C2: variants seen among roughly 807,000 people sequenced by gnomAD.
C2 encodes C3/C5 convertase.
C2 carries 64 observed loss-of-function variants against 85.2 expected under a neutral mutation model. That is an observed-to-expected ratio of 0.75 (90% CI 0.61 to 0.92). C2 has a LOEUF of 0.92. Among genes scored for constraint, C2 ranks in the 40% least tolerant of loss-of-function variants. C2 has a pLI of 0.00. For synonymous variants in C2, 311 were observed against 370.8 expected (o/e 0.84, Z 1.85); for missense variants, 820 against 971.6 (o/e 0.84, Z 2.07).
upstream of C2, chr6:31,897,941 A>G: frequency 9.5e-7 from 1 of 1,048,200 alleles, no homozygotes; most frequent in Non-Finnish European, 1.1e-6. Context: ...ATCTGGTTTT[A>G]GGTAACAAGC....
In C2 at chr6:31,935,789, T is replaced by A; in HGVS notation, c.850-134T>A. On this transcript the variant is annotated intron_variant, in intron 6 of 17. Transcript: ENST00000299367. The surrounding 1 kb of genome is among the most constrained non-coding windows in gnomAD (Gnocchi z 4.3). ...CTTCTTCCTAACAGCCATTTCCTAG[T>A]GTCTCCCCTGGTCCTTGCCTCTGTC... The A allele has an allele frequency of 1.0e-6, 1 of 965,768 alleles. No individual in the cohort carries two copies. The highest frequency in any genetic ancestry group is 1.3e-5 in the South Asian group (1 of 76,168). The allele number at this position is 965,768 out of a possible 1,614,324, so 59.8% of individuals were successfully genotyped here. A position where few individuals can be genotyped will look rare whatever the true frequency, so the allele number is the denominator to read the frequency against.
At chr6:31,925,831 C>G (rs1404024284), upstream of C2, among the ~76,000 whole-genome samples, 2 of 152,070 alleles carry the variant, frequency 1.3e-5, no homozygotes. Flanking sequence ...TTAAATACCC[C>G]CCACCTTTAC....
chr6:31,901,407 G>A, intron 1 of C2: 3 of 1,293,172 alleles, frequency 2.3e-6, no homozygotes, highest in Non-Finnish European at 3.1e-6. Flanking sequence ...CCCCATTCTT[G>A]CCCAGCCCCC....
rs930463518 is a variant in C2 at position 31,943,837 on chromosome 6, C to T, written c.1733+28C>T. ...GCCTGGAGTCTGGGATGGGAGGGTG[C>T]CCTGCAGGGAAGAGTGCTCTGGAGA... On this transcript the variant is annotated intron_variant, in intron 13 of 17. Coordinates refer to ENST00000299367, the MANE Select transcript of C2 (RefSeq NM_000063.6). The surrounding 1 kb of genome is among the most constrained non-coding windows in gnomAD (Gnocchi z 6.4). 2.5e-6 allele frequency: 4 copies of T among 1,612,256 alleles called. No individual in the cohort carries two copies. The highest frequency in any genetic ancestry group is 2.7e-5 in the African/African-American group (2 of 74,886).
At chr6:31,932,808 C>T (rs573112821) in intron 3 of C2, among the ~76,000 whole-genome samples, 1 of 152,374 alleles carries the variant, frequency 6.6e-6, no homozygotes, top group African/African-American at 2.4e-5. Context: ...CACGCCACTG[C>T]ACTCCAGCCT....
upstream of C2, chr6:31,900,602 A>G: frequency 6.2e-7 from 1 of 1,612,596 alleles, no homozygotes; most frequent in South Asian, 1.1e-5. This position sits in a 1 kb window ranked among gnomAD's most constrained non-coding sequence, Gnocchi z 9.7. Context: ...GGAGCCTCCA[A>G]TGCCCAGACC....
At chr6:31,914,586 G>A (rs1437478992) in intron 1 of C2, among the ~76,000 whole-genome samples, 18 of 123,578 alleles carry the variant, frequency 1.5e-4, no homozygotes, top group South Asian at 2.8e-4. Context: ...GTGAGACTCC[G>A]TCTCAAAAAA....
rs142036273 is a variant in C2 at position 31,910,018 on chromosome 6, C to T, written c.73+8879C>T. On this transcript the variant is annotated intron_variant, in intron 1 of 3. Transcript: ENST00000452202. ...GCCTCAGCCTCCTGAGTAGCTGGGA[C>T]TACAGTCACGCGCCACCACGCCTGG... 1.2e-3 allele frequency among the ~76,000 whole-genome samples: 181 copies of T among 151,586 alleles called. 5 individuals are homozygous for T. The highest frequency in any genetic ancestry group is 3.5e-3 in the African/African-American group (145 of 41,256).
chr6:31,902,811 C>T (rs1453398177), intron 1 of C2, among the ~76,000 whole-genome samples: 1 of 152,160 alleles, frequency 6.6e-6, no homozygotes, highest in Non-Finnish European at 1.5e-5. Flanking sequence ...AGTCGCCCTC[C>T]GCTTGTGCTA....
chr6:31,944,830 A>T lies in C2; in HGVS notation c.2006A>T (p.Gln669Leu). 2 of 1,613,064 alleles carry T rather than the reference A, an allele frequency of 1.2e-6. No homozygotes were observed. The highest frequency in any genetic ancestry group is 2.7e-5 in the African/African-American group (2 of 75,054). ...VTDQFLCSGT[Q>L]EDESPCKGES... ...GACCAGTTCCTATGCAGTGGGACCC[A>T]GGAGGATGAGAGTCCCTGCAAGGGT... The change falls in exon 16 of 18, where the codon CAG becomes CTG. Residue 669 changes from glutamine (Q) to leucine (L), a missense_variant. Transcript: ENST00000299367. The surrounding 1 kb of genome is among the most constrained non-coding windows in gnomAD (Gnocchi z 5.1).
In C2 at chr6:31,944,897, T is replaced by G. The variant is rs1482118333; in HGVS notation, c.2029+44T>G. 1.2e-6 allele frequency: 2 copies of G among 1,612,310 alleles called. No homozygotes were observed. Among genetic ancestry groups the G allele is most frequent in the African/African-American group, 2.7e-5 (2 of 74,924 alleles). On this transcript the variant is annotated intron_variant, in intron 16 of 17. Transcript: ENST00000299367. The surrounding 1 kb of genome is among the most constrained non-coding windows in gnomAD (Gnocchi z 5.1). ...CTGGATTCCCAAGGGGAAGGCCACC[T>G]GTGTCTCTGTGGCCAGCATGCATGC...
chr6:31,927,925 AT>A lies in C2; in HGVS notation c.47-28del. ...TCATCTGTGTCTTCCTTCTTTCTCCATTGCTGTCTCCTTGTTCCCACGGCTC... is the reference window on the plus strand; with the variant it reads ...TCATCTGTGTCTTCCTTCTTTCTCCATGCTGTCTCCTTGTTCCCACGGCTC... On this transcript the variant is annotated intron_variant, in intron 1 of 17. Coordinates refer to ENST00000299367, the MANE Select transcript of C2 (RefSeq NM_000063.6). This position sits in a 1 kb window ranked among gnomAD's most constrained non-coding sequence, Gnocchi z 4.7. 1 of 1,601,934 alleles carries A rather than the reference AT, an allele frequency of 6.2e-7. No individual in the cohort carries two copies. The highest frequency in any genetic ancestry group is 8.6e-7 in the Non-Finnish European group (1 of 1,169,492).
upstream of C2, among the ~76,000 whole-genome samples, chr6:31,917,606 T>A (rs1285553272): frequency 6.7e-6 from 1 of 150,310 alleles, no homozygotes; most frequent in Non-Finnish European, 1.5e-5. Context: ...AAGTTGGAAT[T>A]TTAAAAAAAG....
chr6:31,943,598 C>T lies in C2; in HGVS notation c.1568-46C>T. 1.2e-6 allele frequency: 2 copies of T among 1,609,300 alleles called. No homozygotes were observed. The highest frequency in any genetic ancestry group is 8.5e-7 in the Non-Finnish European group (1 of 1,176,614). On this transcript the variant is annotated intron_variant, in intron 12 of 17. Transcript: ENST00000299367. This position sits in a 1 kb window ranked among gnomAD's most constrained non-coding sequence, Gnocchi z 6.4. The stretch of plus-strand genomic sequence containing the variant: ...CCTACCACCTCACCCAGCCTCTGGC[C>T]CCTGCAGGAGCCCTGGTCTAGCCTA...
intron 1 of C2, among the ~76,000 whole-genome samples, chr6:31,908,570 T>G (rs1767884798): frequency 6.6e-6 from 1 of 150,798 alleles, no homozygotes; most frequent in Non-Finnish European, 1.5e-5. Flanking sequence ...GAGAATTGCT[T>G]GAACCCAGGA....
At chr6:31,940,059 C>T (rs777359270) in intron 9 of C2, among the ~76,000 whole-genome samples, 3 of 152,154 alleles carry the variant, frequency 2.0e-5, no homozygotes, top group South Asian at 2.1e-4. Flanking sequence ...TACAGATAGG[C>T]GTGAGCCACT....
chr6:31,900,024 G>A, upstream of C2: 1 of 1,612,016 alleles, frequency 6.2e-7, no homozygotes, highest in Non-Finnish European at 8.5e-7. This position sits in a 1 kb window ranked among gnomAD's most constrained non-coding sequence, Gnocchi z 9.7. Context: ...CTAATGGCAG[G>A]CTTGTGGGCG....
chr6:31,940,485 A>G (rs1770795393), intron 9 of C2, among the ~76,000 whole-genome samples: 1 of 152,140 alleles, frequency 6.6e-6, no homozygotes, highest in Non-Finnish European at 1.5e-5. Context: ...ACTAAACACA[A>G]ATTGCACTGA....
chr6:31,934,488 T>A, intron 6 of C2, 189 bp downstream of exon 6: 1 of 1,216,538 alleles, frequency 8.2e-7, no homozygotes. Context: ...ACAAGCACTG[T>A]TGGGACACTG....
Sources: gnomAD v4.1 joint callset for allele counts (sites outside exome capture counted in the v4.1 genomes callset) on GRCh38, gnomAD v4.1.1 for gene constraint, Gnocchi (gnomAD v3.1) non-coding constraint, MANE v1.5 for transcripts, NCBI Gene and HGNC (gene_info 2026-07-23, HGNC 2026-07-21) for gene names.